Variants in FAM53C observed in about 807,000 individuals in gnomAD.
The protein encoded by FAM53C is family with sequence similarity 53 member C.
Under a neutral mutation model 34.7 loss-of-function variants are expected in FAM53C, and 10 were observed. The observed-to-expected ratio is 0.29, with a 90% CI of 0.18 to 0.49. FAM53C has a LOEUF of 0.49. FAM53C is among the 20% of genes least tolerant of loss of function. FAM53C has a pLI of 0.99. For synonymous variants in FAM53C, 203 were observed against 203.6 expected, an observed-to-expected ratio of 1.00 and a Z score of 0.03; for missense variants, 442 against 515.3, an observed-to-expected ratio of 0.86 and a Z score of 1.38.
chr5:138,342,016 T>C, intron 3 of FAM53C, 150 bp downstream of exon 3: 3 of 675,884 alleles, frequency 4.4e-6, no homozygotes, highest in Non-Finnish European at 5.3e-6. Flanking sequence ...TTGTCTTTCA[T>C]GTTCTAGCAT....
chr5:138,337,826 G>T (rs56366217), upstream of FAM53C: 4 of 505,026 alleles, frequency 7.9e-6, no homozygotes, highest in East Asian at 2.2e-4. Context: ...CGAAGAGGTG[G>T]TCGTGGAGGG....
At chr5:138,342,508 A>T (rs920641497) in intron 3 of FAM53C, 6 of 152,100 alleles carry the variant, frequency 3.9e-5, no homozygotes, top group Non-Finnish European at 8.8e-5. Context: ...TGGGCAGATC[A>T]CCTGAGGTCG....
chr5:138,342,683 C>CAT, intron 3 of FAM53C: 1 of 143,934 alleles, frequency 6.9e-6, no homozygotes, highest in East Asian at 2.1e-4. Context: ...GCCAAGATTG[C>CAT]GCCATTGCAC....
At position 138,349,711 on chromosome 5, in the gene FAM53C, AATC is replaced by A. The variant is rs1761269326; in HGVS notation, c.*2753_*2755del. The A allele has an allele frequency of 6.6e-6, 1 of 152,240 alleles. No homozygotes were observed. Among genetic ancestry groups the A allele is most frequent in the African/African-American group, 2.4e-5 (1 of 41,460 alleles). The allele number at this position is 152,240 out of a possible 1,614,324, so 9.4% of individuals were successfully genotyped here. ...TGAAAAAATAAAGTTTTATTAGAAT[AATC>A]CATTTTCCCAAGCAACCTTGTGTAC... On this transcript the variant is annotated 3_prime_UTR_variant, in exon 5 of 5. Coordinates refer to ENST00000239906, the MANE Select transcript of FAM53C (RefSeq NM_016605.3).
rs1406329020 is a variant in FAM53C, at chr5:138,347,040, G to A, written c.*81G>A. 3 of 1,576,016 alleles carry A rather than the reference G, an allele frequency of 1.9e-6. No homozygotes were observed. Among genetic ancestry groups the A allele is most frequent in the African/African-American group, 2.7e-5 (2 of 74,268 alleles). ...AAGTGTCGAGTCCCCAAGGCTGGGG[G>A]CCGAGCCTGGGAATGGGGGTGAGTG... On this transcript the variant is annotated 3_prime_UTR_variant, in exon 5 of 5. Coordinates refer to ENST00000239906, the MANE Select transcript of FAM53C (RefSeq NM_016605.3).
At chr5:138,346,190 G>C (rs749726073) in intron 4 of FAM53C, among the ~76,000 whole-genome samples, 1 of 151,974 alleles carries the variant, frequency 6.6e-6, no homozygotes, top group Admixed American at 6.5e-5. Context: ...TCATACAGTC[G>C]TCCATCCCAT....
intron 1 of FAM53C, among the ~76,000 whole-genome samples, chr5:138,339,701 A>G (rs1223304340): frequency 3.3e-5 from 5 of 152,220 alleles, no homozygotes; most frequent in Non-Finnish European, 7.3e-5. Context: ...CCGTAAGAAT[A>G]TAGGGGAAGC....
In FAM53C at chr5:138,345,335, A is replaced by G. The variant is rs1580858669; in HGVS notation, c.647A>G (p.Glu216Gly). The change falls in exon 4 of 5, where the codon GAG (glutamate) becomes GGG (glycine). Residue 216 changes from glutamate (E) to glycine (G), a missense_variant. By Grantham distance (98) the Glu-to-Gly change is moderately conservative (BLOSUM62 -2). Coordinates refer to ENST00000239906, the MANE Select transcript of FAM53C (RefSeq NM_016605.3). This position sits in a 1 kb window ranked among gnomAD's most constrained non-coding sequence, Gnocchi z 6.3. ...GCCTCCCCTCAAAGTGGCTCCTGGG[A>G]GAGTGATGCTGAGTCCTTGTCACCT... ...CAASPQSGSW[E>G]SDAESLSPCP... The G allele has an allele frequency of 6.2e-7, 1 of 1,614,102 alleles. No individual in the cohort carries two copies. The highest frequency in any genetic ancestry group is 8.5e-7 in the Non-Finnish European group (1 of 1,180,018).
In FAM53C at chr5:138,344,496, G is replaced by A. The variant is rs1452443777; in HGVS notation, c.137-329G>A. On this transcript the variant is annotated intron_variant, in intron 3 of 4. Coordinates refer to ENST00000239906, the MANE Select transcript of FAM53C (RefSeq NM_016605.3). ...CTCTTGACTTCTTTTACCTTTGAGA[G>A]GGAGTGGCAGGCAGTAGATGAAATG... 5.3e-5 allele frequency among the ~76,000 whole-genome samples: 8 copies of A among 152,250 alleles called. No homozygotes were observed. In the East Asian group the frequency reaches 1.5e-3, roughly 29 times the overall value.
intron 3 of FAM53C, among the ~76,000 whole-genome samples, chr5:138,344,254 C>G (rs902536858): frequency 1.3e-5 from 2 of 152,210 alleles, no homozygotes; most frequent in South Asian, 4.1e-4. Context: ...AAAGGCCTTC[C>G]CCACCCTGTT....
rs1167455073 is a variant in FAM53C, at chr5:138,341,383, G to A, written c.48G>A (p.Glu16=). 1.9e-6 allele frequency: 3 copies of A among 1,614,106 alleles called. No individual in the cohort carries two copies. The South Asian group carries it at 3.3e-5, about 18-fold the overall frequency. ...TEQLQKQTLD[E]LKCTRFSISL... is the part of the protein sequence containing the mutation. ...AGCTACAGAAGCAGACTCTGGATGAGCTGAAATGCACACGCTTCAGCATCA... is the reference window on the plus strand; with the variant it reads ...AGCTACAGAAGCAGACTCTGGATGAACTGAAATGCACACGCTTCAGCATCA... Residue 16 remains glutamate (E), a synonymous_variant, in exon 2 of 5, where the codon GAG becomes GAA. Coordinates refer to ENST00000239906, the MANE Select transcript of FAM53C (RefSeq NM_016605.3).
At position 138,345,445 on chromosome 5, in the gene FAM53C, G is replaced by A. The variant is rs756459546; in HGVS notation, c.757G>A (p.Ala253Thr). 17 of 1,613,820 alleles carry A rather than the reference G, an allele frequency of 1.1e-5. No individual in the cohort carries two copies. Among genetic ancestry groups the A allele is most frequent in the Admixed American group, 5.0e-5 (3 of 60,028 alleles). Residue 253 changes from alanine (A) to threonine (T), a missense_variant, in exon 4 of 5, where the codon GCA becomes ACA. Coordinates refer to ENST00000239906, the MANE Select transcript of FAM53C (RefSeq NM_016605.3). The surrounding 1 kb of genome is among the most constrained non-coding windows in gnomAD (Gnocchi z 6.3). ...CTTGCCCTCTGCCCGGAGCTCTCCCGCATCCTCCCCAGAGCTGCCCTGGCG... is the reference window on the plus strand; with the variant it reads ...CTTGCCCTCTGCCCGGAGCTCTCCCACATCCTCCCCAGAGCTGCCCTGGCG... ...RFLPSARSSP[A>T]SSPELPWRPR...
chr5:138,345,321 A>C lies in FAM53C; in HGVS notation c.633A>C (p.Gln211His). The C allele has an allele frequency of 6.2e-7, 1 of 1,613,912 alleles. No homozygotes were observed. Among genetic ancestry groups the C allele is most frequent in the Non-Finnish European group, 8.5e-7 (1 of 1,179,940 alleles). ...DSSRPCAASP[Q>H]SGSWESDAES... ...CTCGACCCTGCGCCGCCTCCCCTCA[A>C]AGTGGCTCCTGGGAGAGTGATGCTG... The change falls in exon 4 of 5, where the codon CAA becomes CAC. Residue 211 changes from glutamine (Q) to histidine (H), a missense_variant. Transcript: ENST00000239906. This position sits in a 1 kb window ranked among gnomAD's most constrained non-coding sequence, Gnocchi z 6.3.
chr5:138,347,155 T>C lies in FAM53C; in HGVS notation c.*196T>C, dbSNP rs1580861402. ...CTGGCCGGGACAAGATAAACGGAGC[T>C]GGTGGCGGGAGGGACAGCCCCAGAG... On this transcript the variant is annotated 3_prime_UTR_variant, in exon 5 of 5. Transcript: ENST00000239906. The C allele has an allele frequency of 1.3e-6, 1 of 761,078 alleles. No individual in the cohort carries two copies. Among genetic ancestry groups the C allele is most frequent in the East Asian group, 2.7e-5 (1 of 36,880 alleles). The allele number at this position is 761,078 out of a possible 1,614,324, so 47.1% of individuals were successfully genotyped here.
intron 4 of FAM53C, among the ~76,000 whole-genome samples, chr5:138,346,228 G>A (rs1016425461): frequency 1.3e-5 from 2 of 152,198 alleles, no homozygotes; most frequent in African/African-American, 2.4e-5. Context: ...CTCTGACTAG[G>A]CACTGGCAGT....
At position 138,345,578 on chromosome 5, in the gene FAM53C, G is replaced by A. The variant is rs1210075867; in HGVS notation, c.890G>A (p.Arg297Gln). The change falls in exon 4 of 5, where the codon CGG becomes CAG. Residue 297 changes from arginine to glutamine, a missense_variant. Transcript: ENST00000239906. This position sits in a 1 kb window ranked among gnomAD's most constrained non-coding sequence, Gnocchi z 6.3. ...RRHEEDPRRL[R>Q]PSLDFDKMNQ... ...CACGAGGAAGACCCCCGGCGTCTGC[G>A]GCCTTCGTTGGACTTTGACAAGATG... 1 of 1,613,208 alleles carries A rather than the reference G, an allele frequency of 6.2e-7. No homozygotes were observed. Among genetic ancestry groups the A allele is most frequent in the Non-Finnish European group, 8.5e-7 (1 of 1,179,730 alleles).
chr5:138,342,427 C>T (rs968826033), intron 3 of FAM53C: 1 of 151,770 alleles, frequency 6.6e-6, no homozygotes, highest in Non-Finnish European at 1.5e-5. Context: ...TTATTTTGTA[C>T]CTTTAAAAAA....
chr5:138,337,876 C>T (rs2126877541), upstream of FAM53C: 2 of 1,029,004 alleles, frequency 1.9e-6, no homozygotes, highest in Non-Finnish European at 2.6e-6. Flanking sequence ...TGGCTAATTG[C>T]GTGACGCGGC....
chr5:138,344,891 G>GCTA lies in FAM53C; in HGVS notation c.205_207dup (p.Tyr69dup). ...GAGTTCCAGGACAGCCTCAACTTCAGCTACCATCCCTCAGGCCTGAGCCTG... is the reference window on the plus strand; with the variant it reads ...GAGTTCCAGGACAGCCTCAACTTCAGCTACTACCATCCCTCAGGCCTGAGCCTG... On this transcript the variant is annotated inframe_insertion, in exon 4 of 5. Coordinates refer to ENST00000239906, the MANE Select transcript of FAM53C (RefSeq NM_016605.3). 6.2e-7 allele frequency: 1 copy of GCTA among 1,612,574 alleles called. No individual in the cohort carries two copies. The highest frequency in any genetic ancestry group is 8.5e-7 in the Non-Finnish European group (1 of 1,179,332).
Sources: allele counts gnomAD v4.1 joint callset (sites outside exome capture counted in the v4.1 genomes callset), GRCh38; gene constraint gnomAD v4.1.1; non-coding constraint Gnocchi (gnomAD v3.1); transcripts MANE v1.5; gene names NCBI Gene and HGNC (gene_info 2026-07-23, HGNC 2026-07-21).